CHD6: variants seen among roughly 807,000 people sequenced by gnomAD.
CHD6 encodes the protein chromodomain helicase DNA binding protein 6.
In CHD6, 50 loss-of-function variants were observed where a neutral mutation model predicts 276.9. That is an observed-to-expected ratio of 0.18 (90% CI 0.14 to 0.23). The LOEUF (loss-of-function observed/expected upper bound fraction) is 0.23, where lower values mean the gene tolerates loss of function less well. Ranked by LOEUF, CHD6 falls within the 10% of genes least tolerant of loss-of-function variation. The probability of loss-of-function intolerance (pLI) is 1.00; values close to 1 mark genes in which losing one functional copy is unlikely to be tolerated. For missense variants in CHD6, 2,564 were observed against 3,365.8 expected (o/e 0.76, Z 5.89); for synonymous variants, 1,173 against 1,229.3 (o/e 0.95, Z 0.96).
chr20:41,572,809 C>T (rs549746721), intron 1 of CHD6, among the ~76,000 whole-genome samples: 1 of 152,302 alleles, frequency 6.6e-6, no homozygotes, highest in South Asian at 2.1e-4. Flanking sequence ...GGAAAAAGGT[C>T]CTCTTATCCC....
At chr20:41,573,741 T>C (rs767277372) in intron 1 of CHD6, among the ~76,000 whole-genome samples, 2 of 152,146 alleles carry the variant, frequency 1.3e-5, no homozygotes, top group Non-Finnish European at 2.9e-5. Flanking sequence ...AGAGACTGTA[T>C]AATATCAATG....
At chr20:41,423,390 T>C in intron 30 of CHD6, 102 bp downstream of exon 30, 1 of 1,079,212 alleles carries the variant, frequency 9.3e-7, no homozygotes, top group Non-Finnish European at 1.4e-6. Flanking sequence ...ATTCCTCATG[T>C]AGACTCTAGT....
chr20:41,522,158 AG>A (rs1476275191), intron 3 of CHD6, among the ~76,000 whole-genome samples: 1 of 152,070 alleles, frequency 6.6e-6, no homozygotes, highest in Non-Finnish European at 1.5e-5. Context: ...CTGGCAGCAT[AG>A]TGAAACCCCA....
At chr20:41,508,591 A>G (rs1013078272) in intron 5 of CHD6, among the ~76,000 whole-genome samples, 1 of 152,122 alleles carries the variant, frequency 6.6e-6, no homozygotes, top group Non-Finnish European at 1.5e-5. Flanking sequence ...CAACCTAAAG[A>G]CAGTGTGGGA....
chr20:41,471,010 A>G (rs2043040051), intron 17 of CHD6, among the ~76,000 whole-genome samples: 5 of 152,248 alleles, frequency 3.3e-5, no homozygotes, highest in Admixed American at 3.3e-4. Context: ...CAGTCAGGTG[A>G]GCATCACAAA....
intron 7 of CHD6, 150 bp from the exon 8 acceptor site, chr20:41,497,651 C>T: frequency 1.5e-6 from 1 of 673,936 alleles, no homozygotes; most frequent in Middle Eastern, 3.3e-4. Flanking sequence ...GAAAGACCTT[C>T]CCCTTAAGGG....
chr20:41,419,554 CAAAAAAAAAAAAAAAAAAAAAAAAAAAA>C (rs58696183), intron 31 of CHD6, among the ~76,000 whole-genome samples: 1 of 23,442 alleles, frequency 4.3e-5, no homozygotes, highest in Non-Finnish European at 7.3e-5. Flanking sequence ...GACTCTGTCT[CAAAAAAAAAAAAAAAAAAAAAAAAAAAA>C]AAAAAAAAAG....
At chr20:41,577,130 G>A (rs2045482699) in intron 1 of CHD6, among the ~76,000 whole-genome samples, 1 of 152,164 alleles carries the variant, frequency 6.6e-6, no homozygotes, top group Non-Finnish European at 1.5e-5. Context: ...AAATCACTAA[G>A]CAAAGAGACA....
At chr20:41,487,513 C>T (rs2043445320) in intron 14 of CHD6, 152 bp downstream of exon 14, 3 of 757,266 alleles carry the variant, frequency 4.0e-6, no homozygotes, top group Admixed American at 6.2e-5. Context: ...CGTACCCGCC[C>T]CAACATACAC....
chr20:41,566,294 T>TTTAA (rs1214361389), intron 1 of CHD6, among the ~76,000 whole-genome samples: 1 of 152,070 alleles, frequency 6.6e-6, no homozygotes, highest in Non-Finnish European at 1.5e-5. Flanking sequence ...TTTCTAGTAC[T>TTTAA]TATTAGAGAG....
At chr20:41,497,144 T>C (rs138769847) in intron 8 of CHD6, 131 of 466,786 alleles carry the variant, frequency 2.8e-4, no homozygotes, top group African/African-American at 2.3e-3. Context: ...TTTATTAGTA[T>C]TCAGACCAAG....
intron 30 of CHD6, 94 bp from the exon 31 acceptor site, chr20:41,422,173 C>T: frequency 1.5e-6 from 2 of 1,294,292 alleles, no homozygotes; most frequent in Non-Finnish European, 2.1e-6. Context: ...TGGAGTTTAG[C>T]TCCCTGGCTC....
Position 41,422,309 on chromosome 20 carries a change from T to G in CHD6, c.4556-230A>C, listed in dbSNP as rs377600338. On this transcript the variant is annotated intron_variant, in intron 30 of 36. Transcript: ENST00000373233. ...AAGAAGAGCATAAAAATTCCAGTTC[T>G]GAAAACAGTATTAGTTTCCTTTAAA... Among the ~76,000 whole-genome samples, 15 of 152,194 alleles carry G rather than the reference T, an allele frequency of 9.9e-5. No homozygotes were observed. The East Asian group carries it at 2.5e-3, about 25-fold the overall frequency.
chr20:41,519,128 C>T (rs2044322864), intron 3 of CHD6, among the ~76,000 whole-genome samples: 1 of 152,106 alleles, frequency 6.6e-6, no homozygotes, highest in African/African-American at 2.4e-5. Flanking sequence ...CAAAAAAATA[C>T]AAAAATTAGC....
intron 3 of CHD6, among the ~76,000 whole-genome samples, chr20:41,524,047 A>G (rs1568672452): frequency 6.6e-6 from 1 of 152,210 alleles, no homozygotes; most frequent in African/African-American, 2.4e-5. Flanking sequence ...AAAGACATGT[A>G]GAGTCTCAGA....
At chr20:41,606,792 T>C (rs1410529885) in intron 1 of CHD6, among the ~76,000 whole-genome samples, 1 of 152,164 alleles carries the variant, frequency 6.6e-6, no homozygotes, top group Non-Finnish European at 1.5e-5. Flanking sequence ...TGGAATCACC[T>C]GGGAAATTAT....
At chr20:41,474,450 T>TTTAC (rs2043127302) in intron 16 of CHD6, among the ~76,000 whole-genome samples, 1 of 152,144 alleles carries the variant, frequency 6.6e-6, no homozygotes, top group South Asian at 2.1e-4. Context: ...TCTTTTCCTA[T>TTTAC]TTACCCCTGA....
rs185258831 is a variant in CHD6, at chr20:41,516,309, G to A, written c.555-1357C>T. 3.9e-5 allele frequency among the ~76,000 whole-genome samples: 6 copies of A among 152,168 alleles called. No homozygotes were observed. The East Asian group carries it at 1.2e-3, about 29-fold the overall frequency. ...CCTGTAGCTGGGATTACAGGTGTCC[G>A]TCACCACGCATGGCTAATTGTTTTT... On this transcript the variant is annotated intron_variant, in intron 3 of 36. Transcript: ENST00000373233.
intron 1 of CHD6, among the ~76,000 whole-genome samples, chr20:41,607,148 C>T (rs1173989441): frequency 6.6e-6 from 1 of 152,192 alleles, no homozygotes; most frequent in Non-Finnish European, 1.5e-5. Context: ...TCTGAGCCCC[C>T]AGCAACACAT....
Sources: gnomAD v4.1 joint callset for allele counts (sites outside exome capture counted in the v4.1 genomes callset) on GRCh38, gnomAD v4.1.1 for gene constraint, MANE v1.5 for transcripts, NCBI Gene and HGNC (gene_info 2026-07-23, HGNC 2026-07-21) for gene names.